The following MAPK10 variants were observed in gnomAD, a reference collection of about 807,000 sequenced individuals.
MAPK10 encodes the protein JNK3 alpha protein kinase.
A neutral mutation model predicts 59.3 loss-of-function variants in MAPK10; 25 were observed. The observed-to-expected ratio is 0.42, with a 90% CI of 0.31 to 0.59. The LOEUF is 0.59. MAPK10 is among the 20% of genes least tolerant of loss of function. The pLI, the probability that MAPK10 is intolerant of heterozygous loss-of-function variation, is 0.15. For missense variants in MAPK10, 351 were observed against 568.9 expected (o/e 0.62, Z 3.90); for synonymous variants, 190 against 200.5 (o/e 0.95, Z 0.44).
intron 1 of MAPK10, among the ~76,000 whole-genome samples, chr4:86,533,065 C>T (rs868383362): frequency 5.1e-4 from 77 of 152,214 alleles, no homozygotes; most frequent in Middle Eastern, 3.4e-3. Context: ...CATAATTTGA[C>T]TGTGACTACT....
intron 1 of MAPK10, among the ~76,000 whole-genome samples, chr4:86,388,414 G>T (rs940708294): frequency 4.6e-5 from 7 of 152,064 alleles, no homozygotes; most frequent in African/African-American, 1.4e-4. Context: ...TAATAACCAA[G>T]TACAGTAAAT....
At chr4:86,588,917 G>T (rs190996819) in intron 1 of MAPK10, among the ~76,000 whole-genome samples, 9 of 152,194 alleles carry the variant, frequency 5.9e-5, no homozygotes, top group Admixed American at 5.9e-4. Context: ...AAATCTAAAT[G>T]TTATTAAACA....
chr4:86,406,873 G>A (rs1054413736), intron 1 of MAPK10, among the ~76,000 whole-genome samples: 1 of 152,158 alleles, frequency 6.6e-6, no homozygotes, highest in African/African-American at 2.4e-5. Context: ...AACCACTTAC[G>A]ACAGCATGTA....
intron 1 of MAPK10, among the ~76,000 whole-genome samples, chr4:86,469,937 A>G (rs1752528424): frequency 6.6e-6 from 1 of 152,246 alleles, no homozygotes; most frequent in African/African-American, 2.4e-5. Flanking sequence ...TAAAAGCCAT[A>G]GCAGAAAACT....
At chr4:86,236,659 T>C (rs535160401) in intron 2 of MAPK10, among the ~76,000 whole-genome samples, 1 of 152,262 alleles carries the variant, frequency 6.6e-6, no homozygotes, top group East Asian at 1.9e-4. Flanking sequence ...ATCAAGCTAT[T>C]GTGACGGTTC....
chr4:86,447,466 C>A (rs1371457845), intron 1 of MAPK10, among the ~76,000 whole-genome samples: 1 of 152,084 alleles, frequency 6.6e-6, no homozygotes, highest in African/African-American at 2.4e-5. Flanking sequence ...CTGTATAAAC[C>A]AGGTTCTTGA....
chr4:86,393,758 GTCTCTCC>G (rs1742539767), intron 1 of MAPK10, among the ~76,000 whole-genome samples: 1 of 152,156 alleles, frequency 6.6e-6, no homozygotes, highest in African/African-American at 2.4e-5. Context: ...AAGCTTGAAA[GTCTCTCC>G]ACGACACCAG....
intron 3 of MAPK10, among the ~76,000 whole-genome samples, chr4:86,166,696 G>GCCCCTCT (rs2071847043): frequency 6.6e-6 from 1 of 152,038 alleles, no homozygotes; most frequent in Admixed American, 6.5e-5. Flanking sequence ...ATATCCATGT[G>GCCCCTCT]CCCCTCTCCA....
chr4:86,151,867 T>C (rs1416718673), intron 4 of MAPK10: 1 of 152,240 alleles, frequency 6.6e-6, no homozygotes, highest in Non-Finnish European at 1.5e-5. Flanking sequence ...TTATTTAACA[T>C]CCCAGATGTA....
At chr4:86,585,105 G>A (rs910781068) in intron 1 of MAPK10, among the ~76,000 whole-genome samples, 2 of 152,096 alleles carry the variant, frequency 1.3e-5, no homozygotes, top group African/African-American at 4.8e-5. Flanking sequence ...CCGAGTAACT[G>A]GAGTATATTC....
intron 1 of MAPK10, among the ~76,000 whole-genome samples, chr4:86,511,661 GGAGGAA>G (rs1638567399): frequency 6.7e-6 from 1 of 150,326 alleles, no homozygotes. Context: ...AGGAGGAGGA[GGAGGAA>G]GAGGAAGAAG....
intron 1 of MAPK10, among the ~76,000 whole-genome samples, chr4:86,593,101 G>A (rs1314808720): frequency 6.6e-6 from 1 of 152,162 alleles, no homozygotes; most frequent in African/African-American, 2.4e-5. Flanking sequence ...TTTAGTAAAT[G>A]ATATAATGAA....
chr4:86,379,005 T>A (rs1740257170), intron 1 of MAPK10, among the ~76,000 whole-genome samples: 1 of 152,092 alleles, frequency 6.6e-6, no homozygotes, highest in South Asian at 2.1e-4. Flanking sequence ...CATGGAACAG[T>A]CTGGTGGGAT....
chr4:86,375,183 C>T (rs1014761352), intron 1 of MAPK10, among the ~76,000 whole-genome samples: 1 of 151,974 alleles, frequency 6.6e-6, no homozygotes, highest in African/African-American at 2.4e-5. Flanking sequence ...GAAATGTGTG[C>T]ACACACACAC....
chr4:86,382,113 T>C (rs1402395978), intron 1 of MAPK10, among the ~76,000 whole-genome samples: 1 of 152,100 alleles, frequency 6.6e-6, no homozygotes, highest in Non-Finnish European at 1.5e-5. Context: ...CTCCCAGTTA[T>C]GACAATGAAA....
chr4:86,293,399 C>G (rs1362534275), intron 2 of MAPK10, among the ~76,000 whole-genome samples: 1 of 152,272 alleles, frequency 6.6e-6, no homozygotes, highest in Non-Finnish European at 1.5e-5. Flanking sequence ...GGGTTGAAAT[C>G]GGAGCACAGA....
intron 2 of MAPK10, among the ~76,000 whole-genome samples, chr4:86,212,135 A>G (rs892093912): frequency 4.6e-5 from 7 of 151,546 alleles, no homozygotes; most frequent in African/African-American, 1.7e-4. Context: ...TCTTCTATCA[A>G]AAGACAGATG....
intron 1 of MAPK10, among the ~76,000 whole-genome samples, chr4:86,461,830 G>A (rs112483638): frequency 0.033 from 5,041 of 152,208 alleles, 116 homozygotes; most frequent in South Asian, 0.059. Flanking sequence ...GTAACTGTTC[G>A]AGCAGCACCT....
chr4:86,486,175 G>C (rs1753976686), intron 1 of MAPK10, among the ~76,000 whole-genome samples: 1 of 152,170 alleles, frequency 6.6e-6, no homozygotes, highest in Non-Finnish European at 1.5e-5. Context: ...TGTAGTCCCA[G>C]CTACTCGGGA....
Sources: allele counts gnomAD v4.1 joint callset (sites outside exome capture counted in the v4.1 genomes callset), GRCh38; gene constraint gnomAD v4.1.1; transcripts MANE v1.5; gene names NCBI Gene and HGNC (gene_info 2026-07-23, HGNC 2026-07-21).